Variants in TCF20 observed in about 807,000 individuals in gnomAD.
The protein encoded by TCF20 is SPRE-binding protein.
Under a neutral mutation model 148.6 loss-of-function variants are expected in TCF20, and 3 were observed. That is an observed-to-expected ratio of 0.02 (90% CI 0.01 to 0.05). The LOEUF is 0.05. TCF20 is among the 10% of genes least tolerant of loss of function. The pLI, the probability that TCF20 is intolerant of heterozygous loss-of-function variation, is 1.00. For synonymous variants in TCF20, 1,049 were observed against 909.5 expected, an observed-to-expected ratio of 1.15 and a Z score of -2.76; for missense variants, 2,350 against 2,429.3, an observed-to-expected ratio of 0.97 and a Z score of 0.69.
At chr22:42,278,512 A>G (rs993917729) in intron 1 of TCF20, 3 of 152,092 alleles carry the variant, frequency 2.0e-5, no homozygotes, top group Non-Finnish European at 4.4e-5. Context: ...CAACACACCA[A>G]CTCTCAGAGG....
At chr22:42,230,190 C>T (rs1219742299) in intron 1 of TCF20, among the ~76,000 whole-genome samples, 2 of 152,172 alleles carry the variant, frequency 1.3e-5, no homozygotes, top group Non-Finnish European at 2.9e-5. Context: ...AAAATAGTCA[C>T]GTGCTACATA....
chr22:42,207,854 A>C (rs1004711580), intron 2 of TCF20, among the ~76,000 whole-genome samples: 5 of 152,054 alleles, frequency 3.3e-5, no homozygotes, highest in African/African-American at 1.2e-4. Context: ...AAGAACCTCT[A>C]ACAAGAAAGA....
chr22:42,266,168 CA>C (rs1926277239), intron 1 of TCF20, among the ~76,000 whole-genome samples: 2 of 151,716 alleles, frequency 1.3e-5, no homozygotes. Flanking sequence ...CTTGAGCAGG[CA>C]ACAAACCTAG....
intron 2 of TCF20, among the ~76,000 whole-genome samples, chr22:42,193,583 CTCCTGAAGTGATGGGATTACAG>C (rs1937449620): frequency 2.0e-5 from 3 of 152,120 alleles, no homozygotes; most frequent in Non-Finnish European, 4.4e-5. Flanking sequence ...CTACCTCAGC[CTCCTGAAGTGATGGGATTACAG>C]ATGTGAGCCA....
At chr22:42,336,588 G>A (rs1459575435) in intron 1 of TCF20, among the ~76,000 whole-genome samples, 2 of 151,758 alleles carry the variant, frequency 1.3e-5, no homozygotes, top group Non-Finnish European at 2.9e-5. Flanking sequence ...AAGGGTGCCC[G>A]CCACCTTTAG....
Position 42,293,817 on chromosome 22 carries a change from T to C in TCF20, c.-37+49662A>G, listed in dbSNP as rs1461340979. On this transcript the variant is annotated intron_variant, in intron 1 of 1. Transcript: ENST00000515426. ...GAGTTTGAGACCAGCCCGACCAACA[T>C]GGTGAAACACCGTCTCTACTAACAT... Among the ~76,000 whole-genome samples the C allele has an allele frequency of 2.6e-5, 4 of 152,292 alleles. No homozygotes were observed. The East Asian group carries it at 7.7e-4, about 29-fold the overall frequency.
chr22:42,207,366 T>G (rs1333053934), intron 2 of TCF20, among the ~76,000 whole-genome samples: 1 of 152,078 alleles, frequency 6.6e-6, no homozygotes, highest in Non-Finnish European at 1.5e-5. Context: ...AAAAAATGTT[T>G]TTTTTTCCTC....
intron 1 of TCF20, among the ~76,000 whole-genome samples, chr22:42,340,887 C>A (rs1019170396): frequency 7.4e-6 from 1 of 135,824 alleles, no homozygotes; most frequent in Non-Finnish European, 1.6e-5. Context: ...AGGGAAGCCC[C>A]CCCCCCCACC....
intron 1 of TCF20, among the ~76,000 whole-genome samples, chr22:42,324,955 C>T (rs62238251): frequency 0.055 from 8,420 of 152,288 alleles, 337 homozygotes; most frequent in Non-Finnish European, 0.082. Context: ...GGCTCGGATG[C>T]CTCATCCCAA....
chr22:42,267,836 C>A (rs1926372644), intron 1 of TCF20, among the ~76,000 whole-genome samples: 1 of 152,066 alleles, frequency 6.6e-6, no homozygotes, highest in Non-Finnish European at 1.5e-5. Flanking sequence ...GGAAACTGTT[C>A]AAAGAGACTG....
chr22:42,215,470 T>G (rs1178743985), intron 1 of TCF20, 129 bp from the exon 2 acceptor site: 2 of 1,291,562 alleles, frequency 1.5e-6, no homozygotes, highest in Non-Finnish European at 2.0e-6. Context: ...AATTTCTATT[T>G]TTTTTTTTTG....
chr22:42,189,087 CTG>C (rs1198805424), intron 2 of TCF20, among the ~76,000 whole-genome samples: 1 of 152,000 alleles, frequency 6.6e-6, no homozygotes, highest in East Asian at 1.9e-4. Flanking sequence ...GAGCACAACT[CTG>C]AGAGGGTGGG....
intron 1 of TCF20, among the ~76,000 whole-genome samples, chr22:42,261,732 A>C (rs1926038933): frequency 6.6e-6 from 1 of 152,170 alleles, no homozygotes; most frequent in African/African-American, 2.4e-5. Context: ...GGTGGCTCAC[A>C]CCTGTAATCC....
At chr22:42,284,347 G>A (rs1926983962), upstream of TCF20, among the ~76,000 whole-genome samples, 1 of 152,272 alleles carries the variant, frequency 6.6e-6, no homozygotes, top group Admixed American at 6.5e-5. Flanking sequence ...GCTCACTGCT[G>A]TGCTTGGAGA....
intron 2 of TCF20, among the ~76,000 whole-genome samples, chr22:42,198,711 G>C (rs1050482380): frequency 2.0e-5 from 3 of 150,284 alleles, no homozygotes; most frequent in African/African-American, 7.4e-5. Context: ...GCCCAGGCTG[G>C]AGTGCAGTGG....
Position 42,212,023 on chromosome 22 carries a change from C to G in TCF20, c.3283G>C (p.Glu1095Gln), listed in dbSNP as rs1920996332. The change falls in exon 2 of 6, where the codon GAG becomes CAG. Residue 1095 changes from glutamate to glutamine, a missense_variant. Coordinates refer to ENST00000677622, the MANE Select transcript of TCF20 (RefSeq NM_001378418.1). ...YKRQMYQQQP[E>Q]EYKDWSSGSA... ...CCGCTGCTCCAGTCTTTATACTCCT[C>G]TGGTTGCTGTTGGTACATCTGTCTC... 6.2e-7 allele frequency: 1 copy of G among 1,614,082 alleles called. No homozygotes were observed. The highest frequency in any genetic ancestry group is 1.3e-5 in the African/African-American group (1 of 74,934).
At chr22:42,252,382 AC>A (rs1477333021) in intron 1 of TCF20, among the ~76,000 whole-genome samples, 1 of 152,164 alleles carries the variant, frequency 6.6e-6, no homozygotes, top group Non-Finnish European at 1.5e-5. Context: ...GGGAGAGCTA[AC>A]ACCTACAAAC....
At chr22:42,231,860 C>T (rs979653837) in intron 1 of TCF20, among the ~76,000 whole-genome samples, 2 of 145,750 alleles carry the variant, frequency 1.4e-5, no homozygotes, top group South Asian at 4.3e-4. Context: ...ACCCGGGAGG[C>T]GGAGCTTGCA....
intron 1 of TCF20, among the ~76,000 whole-genome samples, chr22:42,250,760 G>A (rs1308268082): frequency 6.6e-6 from 1 of 152,302 alleles, no homozygotes; most frequent in Non-Finnish European, 1.5e-5. Context: ...TTGCTATGAA[G>A]GAATACTTAA....
Sources: gnomAD v4.1 joint callset for allele counts (sites outside exome capture counted in the v4.1 genomes callset) on GRCh38, gnomAD v4.1.1 for gene constraint, MANE v1.5 for transcripts, NCBI Gene and HGNC (gene_info 2026-07-23, HGNC 2026-07-21) for gene names.